The following TRMT2B variants were observed in gnomAD, a reference collection of about 807,000 sequenced individuals.
TRMT2B encodes tRNA methyltransferase 2B, also known as tRNA (uracil-5-)-methyltransferase homolog B.
TRMT2B carries 34 observed loss-of-function variants against 39.7 expected under a neutral mutation model. The ratio of observed to expected loss-of-function variants is 0.86; its 90% CI spans 0.65 to 1.14. The LOEUF (loss-of-function observed/expected upper bound fraction) is 1.14, where lower values mean the gene tolerates loss of function less well. TRMT2B is among the 50% of genes most tolerant of loss of function. The pLI is 0.00. For synonymous variants in TRMT2B, 132 were observed against 137.3 expected (o/e 0.96, Z 0.27); for missense variants, 318 against 377.2 (o/e 0.84, Z 1.30).
chrX:101,044,107 C>T (rs988953316), intron 2 of TRMT2B, among the ~76,000 whole-genome samples: 2 of 109,029 alleles, frequency 1.8e-5, no homozygotes, highest in Non-Finnish European at 3.8e-5. Context: ...CCAGGCGTGG[C>T]GGCAGGCACC....
At chrX:101,000,121 A>ATT in the TRMT2B span, among the ~76,000 whole-genome samples, 37,031 of 95,595 alleles carry the variant, frequency 0.39, 6,319 homozygotes, top group African/African-American at 0.46. Context: ...ATGAGAGTTA[A>ATT]TTTTTTTTTT....
At chrX:101,030,451 A>ATTTTTTT (rs1248355991) in intron 7 of TRMT2B, among the ~76,000 whole-genome samples, 1 of 46,564 alleles carries the variant, frequency 2.1e-5, no homozygotes, top group Non-Finnish European at 3.9e-5. Context: ...ATAGATCTGC[A>ATTTTTTT]TTCTTTTTTT....
the TRMT2B span, chrX:100,986,049 C>T: frequency 7.6e-6 from 6 of 785,009 alleles, no homozygotes; most frequent in East Asian, 3.5e-5. Context: ...TGAGGTAGAG[C>T]GGCCCAATTT....
At chrX:101,047,239 A>T (rs1023990412) in intron 2 of TRMT2B, among the ~76,000 whole-genome samples, 1 of 110,640 alleles carries the variant, frequency 9.0e-6, no homozygotes, top group Non-Finnish European at 1.9e-5. Context: ...TTAGCAGAAG[A>T]TTAGACAGGT....
At chrX:100,982,506 T>TAAAA in the TRMT2B span, among the ~76,000 whole-genome samples, 94 of 85,881 alleles carry the variant, frequency 1.1e-3, no homozygotes, top group African/African-American at 3.7e-3. Flanking sequence ...AATAAATAAA[T>TAAAA]AAAATGCTCT....
downstream of TRMT2B, among the ~76,000 whole-genome samples, chrX:101,005,408 T>C (rs1275111984): frequency 1.8e-5 from 2 of 108,455 alleles, no homozygotes; most frequent in African/African-American, 6.7e-5. Flanking sequence ...AAAAAAGAGA[T>C]ACTAAAGAGA....
chrX:100,974,628 A>G, the TRMT2B span, among the ~76,000 whole-genome samples: 2 of 112,001 alleles, frequency 1.8e-5, no homozygotes, highest in Non-Finnish European at 3.8e-5. Flanking sequence ...GGGATGATAA[A>G]GAAGTTTAAT....
chrX:101,045,616 AAAACAAAC>A (rs140738955), intron 2 of TRMT2B, among the ~76,000 whole-genome samples: 15 of 99,381 alleles, frequency 1.5e-4, no homozygotes, highest in Non-Finnish European at 2.8e-4. Flanking sequence ...CTAAAAATAC[AAAACAAAC>A]AAACAAACAA....
chrX:100,996,924 C>A, the TRMT2B span, among the ~76,000 whole-genome samples: 9 of 111,708 alleles, frequency 8.1e-5, no homozygotes, highest in Non-Finnish European at 1.1e-4. Context: ...AACAAAAAAC[C>A]AAAAAATAAC....
rs1177773727 is a variant in TRMT2B, at chrX:101,009,494, G to A, written c.*1087C>T. On this transcript the variant is annotated 3_prime_UTR_variant, in exon 14 of 14. Coordinates refer to ENST00000372936, the MANE Select transcript of TRMT2B (RefSeq NM_024917.6). ...CTCCAATAACCAATTCTTCCTCCAC[G>A]GGTGAGAGTTAATTGGTGCTATTGC... The A allele has an allele frequency of 1.9e-5, 2 of 108,091 alleles. No homozygotes were observed. Among genetic ancestry groups the A allele is most frequent in the Non-Finnish European group, 3.8e-5 (2 of 52,352 alleles). 8.9% of individuals were successfully genotyped at this position (108,091 alleles called of 1,213,427 possible).
the TRMT2B span, among the ~76,000 whole-genome samples, chrX:100,975,109 G>A: frequency 9.0e-6 from 1 of 111,614 alleles, no homozygotes; most frequent in African/African-American, 3.3e-5. Flanking sequence ...ACTGTTCAAT[G>A]CCATTATCTT....
chrX:101,011,025 T>C (rs1246897152), intron 13 of TRMT2B, among the ~76,000 whole-genome samples: 4 of 111,920 alleles, frequency 3.6e-5, no homozygotes, highest in Non-Finnish European at 7.5e-5. Flanking sequence ...GGCCTTAAGA[T>C]ACATAACCAC....
chrX:101,036,448 A>AAC (rs1182114898), intron 6 of TRMT2B, among the ~76,000 whole-genome samples: 99 of 107,365 alleles, frequency 9.2e-4, no homozygotes, highest in African/African-American at 3.2e-3. Flanking sequence ...CCATCTCAAA[A>AAC]AAAAAAAAAA....
the TRMT2B span, among the ~76,000 whole-genome samples, chrX:100,993,693 T>A: frequency 2.7e-3 from 308 of 112,042 alleles, 1 homozygote; most frequent in African/African-American, 9.4e-3. Flanking sequence ...TTTTCCTACA[T>A]AGAATCTATC....
At chrX:100,982,470 AAAATAAATAAATAAAT>A in the TRMT2B span, among the ~76,000 whole-genome samples, 16 of 91,289 alleles carry the variant, frequency 1.8e-4, no homozygotes, top group Admixed American at 1.4e-3. Context: ...CCAGGCTTAA[AAAATAAATAAATAAAT>A]AAATAAATAA....
At chrX:100,996,098 G>T in the TRMT2B span, among the ~76,000 whole-genome samples, 1 of 109,298 alleles carries the variant, frequency 9.1e-6, no homozygotes, top group African/African-American at 3.3e-5. Flanking sequence ...TACTAAGGGG[G>T]CTGGTGCCCC....
intron 11 of TRMT2B, 138 bp downstream of exon 11, chrX:101,020,349 C>A: frequency 4.3e-6 from 2 of 468,384 alleles, no homozygotes; most frequent in Admixed American, 3.6e-5. Context: ...TTCAGAAAAC[C>A]ATTCTGACCC....
chrX:100,975,556 C>A, the TRMT2B span, among the ~76,000 whole-genome samples: 1 of 110,686 alleles, frequency 9.0e-6, no homozygotes, highest in Non-Finnish European at 1.9e-5. Context: ...GGTAGGTATT[C>A]AATAAATATT....
intron 7 of TRMT2B, among the ~76,000 whole-genome samples, chrX:101,030,504 G>A (rs1602595787): frequency 1.1e-5 from 1 of 89,182 alleles, no homozygotes; most frequent in East Asian, 3.0e-4. Flanking sequence ...AGGCTGGAGT[G>A]CAGTGGCGCG....
Sources: allele counts gnomAD v4.1 joint callset (sites outside exome capture counted in the v4.1 genomes callset), GRCh38; gene constraint gnomAD v4.1.1; transcripts MANE v1.5; gene names NCBI Gene and HGNC (gene_info 2026-07-23, HGNC 2026-07-21).